Variants in TTC39B observed in about 807,000 individuals in gnomAD.
The protein encoded by TTC39B is tetratricopeptide repeat domain 39B.
A neutral mutation model predicts 96.6 loss-of-function variants in TTC39B; 92 were observed. The observed-to-expected ratio is 0.95, with a 90% CI of 0.80 to 1.13. The LOEUF is 1.13. TTC39B is among the 50% of genes most tolerant of loss of function. The pLI, the probability that TTC39B is intolerant of heterozygous loss-of-function variation, is 0.00. For synonymous variants in TTC39B, 367 were observed against 299.4 expected (o/e 1.23, Z -2.33); for missense variants, 955 against 809.3 (o/e 1.18, Z -2.18).
rs1044694004 is a variant in TTC39B at position 15,266,479 on chromosome 9, A to T, written c.275+1435T>A. ...AAAGATGCAATGTATTTTTAAAATA[A>T]TTTTTAAAAATACTAAAGTAGGTAT... On this transcript the variant is annotated intron_variant, in intron 2 of 19. Transcript: ENST00000512701. Among the ~76,000 whole-genome samples, 35 of 152,324 alleles carry T rather than the reference A, an allele frequency of 2.3e-4. No individual in the cohort carries two copies. The South Asian group carries it at 2.5e-3, about 11-fold the overall frequency.
At chr9:15,286,441 C>G (rs112639521) in intron 1 of TTC39B, among the ~76,000 whole-genome samples, 8 of 152,312 alleles carry the variant, frequency 5.3e-5, no homozygotes, top group Admixed American at 2.0e-4. Flanking sequence ...ACAGAACAGA[C>G]AGTGTCCTCC....
chr9:15,253,902 TTATTACTAAG>T (rs1330250006), intron 2 of TTC39B, among the ~76,000 whole-genome samples: 6 of 152,280 alleles, frequency 3.9e-5, no homozygotes, highest in South Asian at 4.1e-4. Flanking sequence ...CTATTGTCCT[TTATTACTAAG>T]AACCATACAA....
chr9:15,182,211 C>T, intron 17 of TTC39B, 96 bp downstream of exon 17: 1 of 737,202 alleles, frequency 1.4e-6, no homozygotes, highest in Non-Finnish European at 2.2e-6. Context: ...TTGGGATGTA[C>T]ACAAATTAAT....
At chr9:15,233,546 C>T (rs1231417320) in intron 2 of TTC39B, among the ~76,000 whole-genome samples, 6 of 150,672 alleles carry the variant, frequency 4.0e-5, no homozygotes, top group African/African-American at 1.2e-4. Flanking sequence ...TTGGTGGAGA[C>T]GGGGTTTCGC....
At chr9:15,226,991 TG>T (rs1309781245) in intron 2 of TTC39B, among the ~76,000 whole-genome samples, 2 of 152,136 alleles carry the variant, frequency 1.3e-5, no homozygotes, top group Non-Finnish European at 2.9e-5. Flanking sequence ...GGTTGTTTTT[TG>T]TTTTTGTTTT....
rs575354216 is a variant in TTC39B, at chr9:15,206,389, A to G, written c.692-2499T>C. 2.6e-5 allele frequency among the ~76,000 whole-genome samples: 4 copies of G among 152,346 alleles called. No homozygotes were observed. In the South Asian group the frequency reaches 6.2e-4, roughly 24 times the overall value. ...AAAACAAATCACACACTAAAGCTAC[A>G]ATGTTTTGACATGCTCCCTTGAACA... On this transcript the variant is annotated intron_variant, in intron 6 of 19. Transcript: ENST00000512701.
exon 20 of TTC39B, chr9:15,167,778 A>C (rs980373689): frequency 6.6e-6 from 1 of 152,162 alleles, no homozygotes; most frequent in Non-Finnish European, 1.5e-5. Flanking sequence ...TAATCATGAA[A>C]TCTATCTTCT....
intron 7 of TTC39B, 60 bp downstream of exon 7, chr9:15,203,763 T>C: frequency 7.1e-7 from 1 of 1,405,408 alleles, no homozygotes; most frequent in Non-Finnish European, 9.9e-7. Flanking sequence ...CACCACATTT[T>C]TCTATGCAGC....
chr9:15,263,887 G>A lies in TTC39B; in HGVS notation c.275+4027C>T, dbSNP rs192804154. ...GAAAAGGACACACAAACGTTTAAGC[G>A]ACAGTCTAAAGGACACGAGAAATAA... is the stretch of plus-strand genomic sequence containing the variant. On this transcript the variant is annotated intron_variant, in intron 2 of 19. Transcript: ENST00000512701. 2.3e-3 allele frequency among the ~76,000 whole-genome samples: 355 copies of A among 152,260 alleles called. 3 individuals are homozygous for A. Among genetic ancestry groups the A allele is most frequent in the Non-Finnish European group, 1.9e-3 (131 of 68,016 alleles).
intron 1 of TTC39B, among the ~76,000 whole-genome samples, chr9:15,295,094 A>G (rs1363339868): frequency 2.6e-5 from 4 of 152,214 alleles, no homozygotes; most frequent in Admixed American, 2.6e-4. Context: ...GGAAACAAGC[A>G]CATTTAATTC....
intron 2 of TTC39B, among the ~76,000 whole-genome samples, chr9:15,242,944 G>T (rs1375820357): frequency 6.6e-6 from 1 of 152,188 alleles, no homozygotes; most frequent in Admixed American, 6.5e-5. Context: ...GTGGCCGCTG[G>T]ATCTCAGGAA....
chr9:15,246,403 G>C (rs997726439), intron 2 of TTC39B, among the ~76,000 whole-genome samples: 2 of 152,118 alleles, frequency 1.3e-5, no homozygotes, highest in Admixed American at 6.6e-5. Flanking sequence ...TTTTAGTTGA[G>C]GAGTTTAAGG....
chr9:15,198,457 C>CAA (rs767835557), intron 8 of TTC39B, among the ~76,000 whole-genome samples: 16 of 71,224 alleles, frequency 2.2e-4, no homozygotes, highest in South Asian at 2.0e-3. Context: ...GTCTCGGTCG[C>CAA]AAAAATATAT....
intron 3 of TTC39B, among the ~76,000 whole-genome samples, chr9:15,215,262 G>C (rs933931682): frequency 6.6e-6 from 1 of 151,772 alleles, no homozygotes; most frequent in African/African-American, 2.4e-5. Context: ...AATAAAATGA[G>C]GCTGGGTGTG....
chr9:15,265,851 C>G (rs1007274815), intron 2 of TTC39B, among the ~76,000 whole-genome samples: 1 of 152,074 alleles, frequency 6.6e-6, no homozygotes. Context: ...GAAAAACAGA[C>G]CAATCTCAAT....
intron 2 of TTC39B, among the ~76,000 whole-genome samples, chr9:15,251,694 C>CATATAT (rs59081141): frequency 9.7e-5 from 6 of 61,832 alleles, no homozygotes; most frequent in African/African-American, 2.6e-4. Context: ...CACACACATA[C>CATATAT]ATATACATAT....
At chr9:15,256,900 T>C (rs1822771230) in intron 2 of TTC39B, among the ~76,000 whole-genome samples, 1 of 152,176 alleles carries the variant, frequency 6.6e-6, no homozygotes, top group Admixed American at 6.5e-5. Flanking sequence ...CAAAGGTAGA[T>C]TGGGTCTTCA....
intron 8 of TTC39B, 57 bp from the exon 9 acceptor site, chr9:15,192,752 T>C: frequency 8.4e-7 from 1 of 1,197,558 alleles, no homozygotes; most frequent in Non-Finnish European, 1.2e-6. Context: ...AAAATAAATA[T>C]TAAATCAAAT....
intron 1 of TTC39B, among the ~76,000 whole-genome samples, chr9:15,279,881 T>C (rs929606848): frequency 2.0e-5 from 3 of 150,022 alleles, no homozygotes; most frequent in African/African-American, 5.0e-5. Flanking sequence ...ATAAAGTACT[T>C]TTTTTCTTTT....
Sources: allele counts gnomAD v4.1 joint callset (sites outside exome capture counted in the v4.1 genomes callset), GRCh38; gene constraint gnomAD v4.1.1; transcripts MANE v1.5; gene names NCBI Gene and HGNC (gene_info 2026-07-23, HGNC 2026-07-21).